The following FAM227B variants were observed in gnomAD, a reference collection of about 807,000 sequenced individuals.
FAM227B encodes family with sequence similarity 227 member B, also known as protein FAM227B.
Under a neutral mutation model 73.8 loss-of-function variants are expected in FAM227B, and 88 were observed. The ratio of observed to expected loss-of-function variants is 1.19; its 90% CI spans 1.00 to 1.42. The LOEUF (loss-of-function observed/expected upper bound fraction) is 1.42, where lower values mean the gene tolerates loss of function less well. Among genes scored for constraint, FAM227B ranks in the 40% most tolerant of loss-of-function variants. The pLI is 0.00. For missense variants in FAM227B, 632 were observed against 590.9 expected (o/e 1.07, Z -0.72); for synonymous variants, 210 against 190.5 (o/e 1.10, Z -0.84).
At chr15:49,433,208 T>A (rs538966565) in intron 11 of FAM227B, among the ~76,000 whole-genome samples, 20 of 151,704 alleles carry the variant, frequency 1.3e-4, no homozygotes, top group Non-Finnish European at 2.2e-4. Flanking sequence ...CTTATTCTCT[T>A]TCTGTGCCCC....
chr15:49,514,509 T>C (rs2059250401), intron 10 of FAM227B, among the ~76,000 whole-genome samples: 1 of 152,032 alleles, frequency 6.6e-6, no homozygotes, highest in Non-Finnish European at 1.5e-5. Context: ...TGAGACTATG[T>C]GGTTTTCTAA....
At chr15:49,561,766 G>A (rs1252039174) in intron 9 of FAM227B, among the ~76,000 whole-genome samples, 1 of 152,058 alleles carries the variant, frequency 6.6e-6, no homozygotes, top group Non-Finnish European at 1.5e-5. Context: ...AAACAACTAA[G>A]TTAGACACAA....
intron 9 of FAM227B, among the ~76,000 whole-genome samples, chr15:49,543,857 C>G (rs2071435604): frequency 6.6e-6 from 1 of 152,038 alleles, no homozygotes. Context: ...GATTTGTCTA[C>G]TTGCCTATTT....
At chr15:49,363,749 T>A (rs1326749601) in intron 13 of FAM227B, among the ~76,000 whole-genome samples, 2 of 152,174 alleles carry the variant, frequency 1.3e-5, no homozygotes, top group Non-Finnish European at 2.9e-5. Context: ...TTGCTGTGGG[T>A]TTGTCATAGA....
At chr15:49,451,887 T>A (rs1209999588) in intron 11 of FAM227B, among the ~76,000 whole-genome samples, 3 of 152,160 alleles carry the variant, frequency 2.0e-5, no homozygotes, top group Middle Eastern at 3.2e-3. Flanking sequence ...TTATTTTACA[T>A]GCGGTTCTTC....
chr15:49,396,148 G>A (rs1416321606), intron 11 of FAM227B: 3 of 360,836 alleles, frequency 8.3e-6, no homozygotes, highest in Non-Finnish European at 1.6e-5. Context: ...CTCACCGTGT[G>A]CGAGCCGAAG....
intron 10 of FAM227B, among the ~76,000 whole-genome samples, chr15:49,517,319 C>T (rs1380029051): frequency 1.3e-5 from 2 of 151,808 alleles, no homozygotes; most frequent in Non-Finnish European, 2.9e-5. Flanking sequence ...ATTACTTCAT[C>T]CTGAAGAAGA....
rs1567171951 is a variant in FAM227B, at chr15:49,371,785, A to AATGAAATAAAATTCACTTATAAATC, written c.1013-387_1013-386insGATTTATAAGTGAATTTTATTTCAT. On this transcript the variant is annotated intron_variant, in intron 11 of 15. Transcript: ENST00000299338. ...AATGAAATAAAATTCACTTATAAAT[A>AATGAAATAAAATTCACTTATAAATC]AATGAAATAAAATTCACTTATAAAT... is the stretch of plus-strand genomic sequence containing the variant. Among the ~76,000 whole-genome samples the AATGAAATAAAATTCACTTATAAATC allele has an allele frequency of 2.6e-3, 352 of 136,966 alleles. 3 individuals are homozygous for AATGAAATAAAATTCACTTATAAATC. Among genetic ancestry groups the AATGAAATAAAATTCACTTATAAATC allele is most frequent in the Non-Finnish European group, 3.9e-3 (241 of 61,760 alleles). 89.9% of individuals were successfully genotyped at this position (136,966 alleles called of 152,430 possible).
intron 3 of FAM227B, among the ~76,000 whole-genome samples, chr15:49,600,350 CT>C (rs373443382): frequency 0.067 from 8,548 of 127,556 alleles, 325 homozygotes; most frequent in East Asian, 0.13. Context: ...TTCTTTCTTT[CT>C]TTTTTTTTTT....
Position 49,410,749 on chromosome 15 carries a change from A to G in FAM227B, c.1013-39350T>C, listed in dbSNP as rs79006939. 6.9e-3 allele frequency among the ~76,000 whole-genome samples: 1,054 copies of G among 152,242 alleles called. 17 individuals carry two copies. The highest frequency in any genetic ancestry group is 0.024 in the African/African-American group (1,008 of 41,554). On this transcript the variant is annotated intron_variant, in intron 11 of 15. Coordinates refer to ENST00000299338, the MANE Select transcript of FAM227B (RefSeq NM_152647.3). ...TTACTGGATAAAAGTTTAAATTACC[A>G]GAAGTTGAACCATTATGGGTTATTA...
intron 11 of FAM227B, among the ~76,000 whole-genome samples, chr15:49,505,340 T>G (rs1028807560): frequency 6.6e-6 from 1 of 152,140 alleles, no homozygotes; most frequent in Non-Finnish European, 1.5e-5. Context: ...TTTTACAGAT[T>G]TATACATACG....
intron 6 of FAM227B, 36 bp downstream of exon 6, chr15:49,577,593 T>C (rs1452616433): frequency 1.4e-5 from 18 of 1,326,538 alleles, no homozygotes; most frequent in Non-Finnish European, 1.8e-5. Context: ...ATAATACACT[T>C]GATATACAAT....
At chr15:49,498,007 T>C (rs2057775992) in intron 11 of FAM227B, among the ~76,000 whole-genome samples, 1 of 152,226 alleles carries the variant, frequency 6.6e-6, no homozygotes, top group South Asian at 2.1e-4. Context: ...CTAGCATCTT[T>C]CCTCATTCAC....
chr15:49,419,227 G>T (rs1490610118), intron 11 of FAM227B, among the ~76,000 whole-genome samples: 1 of 152,118 alleles, frequency 6.6e-6, no homozygotes, highest in Non-Finnish European at 1.5e-5. Flanking sequence ...GTGGTGCTGT[G>T]TACAGATAAA....
rs75738867 is a variant in FAM227B, at chr15:49,535,894, T to A, written c.874+5786A>T. ...TGATAAAAACTCTCAACAGTTTAGA[T>A]GTAGAAATAAAGTTCCTAAACATAA... On this transcript the variant is annotated intron_variant, in intron 10 of 15. Transcript: ENST00000299338. 5.7e-3 allele frequency among the ~76,000 whole-genome samples: 868 copies of A among 151,782 alleles called. 10 individuals are homozygous for A. The highest frequency in any genetic ancestry group is 0.02 in the African/African-American group (833 of 41,516).
chr15:49,552,959 C>A (rs549065404), intron 9 of FAM227B, among the ~76,000 whole-genome samples: 262 of 152,292 alleles, frequency 1.7e-3, no homozygotes, highest in African/African-American at 6.0e-3. Context: ...TTCTCCAAGA[C>A]TGGTCCCTGG....
chr15:49,620,193 G>T (rs2078600603), intron 1 of FAM227B: 1 of 152,028 alleles, frequency 6.6e-6, no homozygotes, highest in Admixed American at 6.6e-5. Context: ...TGAAATTCCT[G>T]TAATTTATTA....
intron 9 of FAM227B, among the ~76,000 whole-genome samples, chr15:49,556,457 T>A (rs1182186833): frequency 6.6e-6 from 1 of 152,180 alleles, no homozygotes; most frequent in Admixed American, 6.5e-5. Context: ...TGGGCTAAAG[T>A]GTTCTTGGGC....
In FAM227B at chr15:49,568,272, A is replaced by C; in HGVS notation, c.720T>G (p.Pro240=). 1 of 1,609,596 alleles carries C rather than the reference A, an allele frequency of 6.2e-7. No homozygotes were observed. The highest frequency in any genetic ancestry group is 8.5e-7 in the Non-Finnish European group (1 of 1,178,138). The change falls in exon 9 of 16, where the codon CCT becomes CCG. Residue 240 remains proline (P), a synonymous_variant. Coordinates refer to ENST00000299338, the MANE Select transcript of FAM227B (RefSeq NM_152647.3). ...GAAAAAATGCATCCTTTCGACTTAGAGGTATGCTCATGAAAAGTGTCACAT... is the reference window on the plus strand; with the variant it reads ...GAAAAAATGCATCCTTTCGACTTAGCGGTATGCTCATGAAAAGTGTCACAT... ...ESYVTLFMSI[P]LSRKDAFFQI... is the part of the protein sequence containing the mutation.
Sources: allele counts gnomAD v4.1 joint callset (sites outside exome capture counted in the v4.1 genomes callset), GRCh38; gene constraint gnomAD v4.1.1; transcripts MANE v1.5; gene names NCBI Gene and HGNC (gene_info 2026-07-23, HGNC 2026-07-21).